Variants in GDI2 observed in about 807,000 individuals in gnomAD.
The protein encoded by GDI2 is GDP dissociation inhibitor 2.
Under a neutral mutation model 54.2 loss-of-function variants are expected in GDI2, and 22 were observed. The ratio of observed to expected loss-of-function variants is 0.41; its 90% CI spans 0.29 to 0.58. The LOEUF (loss-of-function observed/expected upper bound fraction) is 0.58, where lower values mean the gene tolerates loss of function less well. Ranked by LOEUF, GDI2 falls within the 20% of genes least tolerant of loss-of-function variation. The pLI is 0.35. For synonymous variants in GDI2, 177 were observed against 182.1 expected, an observed-to-expected ratio of 0.97 and a Z score of 0.23; for missense variants, 422 against 546.0, an observed-to-expected ratio of 0.77 and a Z score of 2.26.
chr10:5,786,840 A>C (rs1840891691), intron 4 of GDI2, among the ~76,000 whole-genome samples: 1 of 152,208 alleles, frequency 6.6e-6, no homozygotes, highest in Non-Finnish European at 1.5e-5. Flanking sequence ...TGACCTCGAT[A>C]AAATTTCGAT....
At chr10:5,772,732 C>T (rs559271062) in intron 7 of GDI2, among the ~76,000 whole-genome samples, 63 of 152,056 alleles carry the variant, frequency 4.1e-4, no homozygotes, top group South Asian at 6.2e-4. Context: ...ACTCCAGCCT[C>T]GGCGACAGAG....
chr10:5,795,783 T>C (rs1399021248), intron 3 of GDI2, among the ~76,000 whole-genome samples: 3 of 152,052 alleles, frequency 2.0e-5, no homozygotes, highest in Admixed American at 6.5e-5. Context: ...ACAAAAAAAT[T>C]AGCCAGGTGT....
At chr10:5,773,174 G>C (rs1042362170) in intron 7 of GDI2, among the ~76,000 whole-genome samples, 3 of 151,942 alleles carry the variant, frequency 2.0e-5, no homozygotes, top group African/African-American at 7.3e-5. Context: ...CACCACCCAG[G>C]AGGTTGCTAC....
intron 3 of GDI2, among the ~76,000 whole-genome samples, chr10:5,795,481 G>A (rs949242455): frequency 6.6e-6 from 1 of 152,116 alleles, no homozygotes; most frequent in African/African-American, 2.4e-5. Context: ...TTATTGCACT[G>A]CATATTACAC....
intron 1 of GDI2, among the ~76,000 whole-genome samples, chr10:5,802,267 C>T (rs779390431): frequency 8.5e-5 from 13 of 152,104 alleles, no homozygotes; most frequent in Non-Finnish European, 2.9e-5. Flanking sequence ...ATAACTGACA[C>T]GTGCTGCCAA....
At position 5,766,206 on chromosome 10, in the gene GDI2, A is replaced by T; in HGVS notation, c.1191+35T>A. On this transcript the variant is annotated intron_variant, in intron 10 of 10. Transcript: ENST00000380191. The surrounding 1 kb of genome is among the most constrained non-coding windows in gnomAD (Gnocchi z 5.8). ...ACCATGGAGGGATGTCTTCCAGTGA[A>T]ACCTGCCCATATCCTTTCACACTTC... 1 of 1,611,638 alleles carries T rather than the reference A, an allele frequency of 6.2e-7. No homozygotes were observed. The highest frequency in any genetic ancestry group is 8.5e-7 in the Non-Finnish European group (1 of 1,177,666).
rs548972984 is a variant in GDI2, at chr10:5,774,888, G to C, written c.720-947C>G. Among the ~76,000 whole-genome samples, 1 of 151,826 alleles carries C rather than the reference G, an allele frequency of 6.6e-6. No individual in the cohort carries two copies. The highest frequency in any genetic ancestry group is 1.5e-5 in the Non-Finnish European group (1 of 67,890). ...TGCCATTTCTCTGGATTCACACCCA[G>C]GGGAAGGGGAAGGGCAAGGGCAAGG... On this transcript the variant is annotated intron_variant, in intron 6 of 10. Transcript: ENST00000380191. The surrounding 1 kb of genome is among the most constrained non-coding windows in gnomAD (Gnocchi z 4.8).
At chr10:5,783,596 T>C (rs186942288) in intron 6 of GDI2, among the ~76,000 whole-genome samples, 1 of 152,318 alleles carries the variant, frequency 6.6e-6, no homozygotes, top group African/African-American at 2.4e-5. Context: ...TTTTGAGAAT[T>C]TGTTTCAAGA....
At chr10:5,770,404 T>C (rs1840459762) in intron 7 of GDI2, among the ~76,000 whole-genome samples, 1 of 151,476 alleles carries the variant, frequency 6.6e-6, no homozygotes, top group East Asian at 2.0e-4. Context: ...CTACTAAAAA[T>C]ACAAAAACTA....
At position 5,813,323 on chromosome 10, in the gene GDI2, A is replaced by G. The variant is rs925349528; in HGVS notation, c.-65T>C. 1.6e-6 allele frequency: 2 copies of G among 1,233,228 alleles called. No homozygotes were observed. The highest frequency in any genetic ancestry group is 2.3e-6 in the Non-Finnish European group (2 of 863,494). The allele number at this position is 1,233,228 out of a possible 1,614,324, so 76.4% of individuals were successfully genotyped here. The stretch of plus-strand genomic sequence containing the variant: ...GGCGCAGGGGCTCCGTGACCACCCT[A>G]CGAGGCTGGGAGGCGCTCTTGGGCG... On this transcript the variant is annotated 5_prime_UTR_variant, in exon 1 of 11. Coordinates refer to ENST00000380191, the MANE Select transcript of GDI2 (RefSeq NM_001494.4).
intron 4 of GDI2, among the ~76,000 whole-genome samples, chr10:5,788,868 T>C (rs530679659): frequency 6.6e-6 from 1 of 151,660 alleles, no homozygotes; most frequent in Non-Finnish European, 1.5e-5. Flanking sequence ...GTTCAAGCAA[T>C]ACTCCCACCT....
At chr10:5,780,128 T>C (rs1564391193) in intron 6 of GDI2, among the ~76,000 whole-genome samples, 1 of 151,398 alleles carries the variant, frequency 6.6e-6, no homozygotes, top group African/African-American at 2.4e-5. Flanking sequence ...AAGATCCCTT[T>C]AGCCCAGGAG....
intron 1 of GDI2, among the ~76,000 whole-genome samples, chr10:5,805,261 G>A (rs548682636): frequency 6.7e-6 from 1 of 150,010 alleles, no homozygotes; most frequent in Non-Finnish European, 1.5e-5. Context: ...ACTTCAGGTT[G>A]TATCCAAATC....
intron 4 of GDI2, among the ~76,000 whole-genome samples, chr10:5,788,849 G>T (rs1452714960): frequency 1.3e-5 from 2 of 151,616 alleles, no homozygotes; most frequent in South Asian, 4.2e-4. Context: ...TGCAACCTCT[G>T]CCCCTGAGGT....
intron 7 of GDI2, among the ~76,000 whole-genome samples, chr10:5,770,296 C>G (rs542808241): frequency 6.6e-6 from 1 of 152,314 alleles, no homozygotes; most frequent in South Asian, 2.1e-4. Context: ...CAGTGGCTCA[C>G]ACCTATAAAA....
chr10:5,795,680 A>G (rs955858298), intron 3 of GDI2, among the ~76,000 whole-genome samples: 2 of 152,178 alleles, frequency 1.3e-5, no homozygotes, highest in Non-Finnish European at 1.5e-5. Context: ...CTGTAATCCC[A>G]GCACTTTGGG....
chr10:5,776,466 A>G lies in GDI2; in HGVS notation c.720-2525T>C. On this transcript the variant is annotated intron_variant, in intron 6 of 10. Coordinates refer to ENST00000380191, the MANE Select transcript of GDI2 (RefSeq NM_001494.4). This position sits in a 1 kb window ranked among gnomAD's most constrained non-coding sequence, Gnocchi z 5.3. ...GCTACTATTTTTACTTTAGCAAAAG[A>G]GTGAGCCAGCAGAGCCATGTATTAG... is the stretch of plus-strand genomic sequence containing the variant. 1 of 942,452 alleles carries G rather than the reference A, an allele frequency of 1.1e-6. No individual in the cohort carries two copies. The highest frequency in any genetic ancestry group is 1.6e-5 in the African/African-American group (1 of 61,974). The allele number at this position is 942,452 out of a possible 1,614,324, so 58.4% of individuals were successfully genotyped here. A position where few individuals can be genotyped will look rare whatever the true frequency, so the allele number is the denominator to read the frequency against.
At chr10:5,812,656 C>T (rs1195613288) in intron 1 of GDI2, among the ~76,000 whole-genome samples, 1 of 152,228 alleles carries the variant, frequency 6.6e-6, no homozygotes, top group African/African-American at 2.4e-5. Context: ...GATTAAAAGA[C>T]TAATTTCCAC....
chr10:5,786,210 G>T (rs539560058), intron 4 of GDI2, among the ~76,000 whole-genome samples, 160 bp from the exon 5 acceptor site: 1 of 119,890 alleles, frequency 8.3e-6, no homozygotes, highest in East Asian at 2.5e-4. Flanking sequence ...TTGCTCTGTC[G>T]CCTAGACTGG....
Sources: gnomAD v4.1 joint callset for allele counts (sites outside exome capture counted in the v4.1 genomes callset) on GRCh38, gnomAD v4.1.1 for gene constraint, Gnocchi (gnomAD v3.1) non-coding constraint, MANE v1.5 for transcripts, NCBI Gene and HGNC (gene_info 2026-07-23, HGNC 2026-07-21) for gene names.